The following CADPS2 variants were observed in gnomAD, a reference collection of about 807,000 sequenced individuals.
CADPS2 encodes calcium-dependent secretion activator 2.
A neutral mutation model predicts 172.5 loss-of-function variants in CADPS2; 93 were observed. The observed-to-expected ratio is 0.54, with a 90% CI of 0.46 to 0.64. The LOEUF (loss-of-function observed/expected upper bound fraction) is 0.64. Ranked by LOEUF, CADPS2 falls within the 30% of genes least tolerant of loss-of-function variation. CADPS2 has a pLI of 0.00. For synonymous variants in CADPS2, 546 were observed against 555.2 expected, an observed-to-expected ratio of 0.98 and a Z score of 0.23; for missense variants, 1,420 against 1,565.9, an observed-to-expected ratio of 0.91 and a Z score of 1.57.
chr7:122,839,181 G>C (rs1809571518), intron 1 of CADPS2, among the ~76,000 whole-genome samples: 1 of 152,146 alleles, frequency 6.6e-6, no homozygotes, highest in Admixed American at 6.5e-5. Context: ...AATGGGGAAA[G>C]GATTCCCTAT....
chr7:122,389,319 A>C (rs2044086610), intron 22 of CADPS2, among the ~76,000 whole-genome samples: 1 of 151,984 alleles, frequency 6.6e-6, no homozygotes, highest in Non-Finnish European at 1.5e-5. Flanking sequence ...GCTTATTAAA[A>C]CCCAACTTAG....
chr7:122,350,200 TC>T (rs879617290), intron 27 of CADPS2, among the ~76,000 whole-genome samples: 1 of 152,130 alleles, frequency 6.6e-6, no homozygotes, highest in Non-Finnish European at 1.5e-5. Context: ...GAAAAAAGGA[TC>T]ATGTAAGATA....
intron 2 of CADPS2, among the ~76,000 whole-genome samples, chr7:122,701,214 G>C (rs370238800): frequency 6.6e-6 from 1 of 152,086 alleles, no homozygotes; most frequent in Non-Finnish European, 1.5e-5. Flanking sequence ...AAAGGGATAC[G>C]ATTAAGAAAA....
At chr7:122,853,488 C>T (rs1338885182) in intron 1 of CADPS2, among the ~76,000 whole-genome samples, 1 of 152,174 alleles carries the variant, frequency 6.6e-6, no homozygotes, top group Non-Finnish European at 1.5e-5. Flanking sequence ...GTGGTAATGG[C>T]TACCTGCAGT....
intron 2 of CADPS2, among the ~76,000 whole-genome samples, chr7:122,699,935 A>C (rs189383071): frequency 6.6e-6 from 1 of 152,302 alleles, no homozygotes; most frequent in Non-Finnish European, 1.5e-5. Context: ...TAGCAGCAAT[A>C]AGTAGATGCT....
intron 6 of CADPS2, among the ~76,000 whole-genome samples, chr7:122,582,764 T>A (rs1218749333): frequency 2.0e-5 from 3 of 152,024 alleles, no homozygotes; most frequent in Admixed American, 6.6e-5. Flanking sequence ...AGAAGACTAA[T>A]AACCTTGGGA....
intron 25 of CADPS2, among the ~76,000 whole-genome samples, chr7:122,374,723 G>A (rs1258049422): frequency 6.6e-6 from 1 of 152,070 alleles, no homozygotes; most frequent in Non-Finnish European, 1.5e-5. Flanking sequence ...GGGCCTGTCG[G>A]GGGCTGTGGG....
At chr7:122,346,327 C>T (rs2037655243) in intron 27 of CADPS2, among the ~76,000 whole-genome samples, 1 of 152,144 alleles carries the variant, frequency 6.6e-6, no homozygotes. Flanking sequence ...GTCATCATGC[C>T]ACTGTACTCC....
chr7:122,759,973 A>G (rs1254584409), intron 1 of CADPS2, among the ~76,000 whole-genome samples: 1 of 150,790 alleles, frequency 6.6e-6, no homozygotes, highest in East Asian at 1.9e-4. Flanking sequence ...GTGGGTGTAT[A>G]TAGGTGTATT....
intron 27 of CADPS2, among the ~76,000 whole-genome samples, chr7:122,345,982 A>C (rs538004368): frequency 2.0e-5 from 3 of 149,982 alleles, no homozygotes; most frequent in Non-Finnish European, 4.4e-5. Flanking sequence ...ATAAATGAAT[A>C]AATTTTTCCA....
rs532001774 is a variant in CADPS2, at chr7:122,869,503, G to A, written c.339+16496C>T. Among the ~76,000 whole-genome samples the A allele has an allele frequency of 5.2e-4, 79 of 151,922 alleles. No homozygotes were observed. The South Asian group carries it at 0.01, about 20-fold the overall frequency. On this transcript the variant is annotated intron_variant, in intron 1 of 29. Transcript: ENST00000449022. The stretch of plus-strand genomic sequence containing the variant: ...GCAAACCTGTCCTTCAAAAATGTAG[G>A]GGAGATAAAACTTTCTCAGACACAC...
chr7:122,607,910 T>C (rs925518056), intron 6 of CADPS2, among the ~76,000 whole-genome samples: 2 of 152,098 alleles, frequency 1.3e-5, no homozygotes, highest in African/African-American at 4.8e-5. Context: ...GTGTTTTGCC[T>C]TTGGTTCATT....
At chr7:122,641,417 C>T (rs545514000) in intron 3 of CADPS2, among the ~76,000 whole-genome samples, 20 of 152,150 alleles carry the variant, frequency 1.3e-4, no homozygotes, top group African/African-American at 4.8e-4. Context: ...TGAATTGGAC[C>T]TTTGGAAGTC....
chr7:122,506,209 C>T lies in CADPS2; in HGVS notation c.1542+7040G>A, dbSNP rs146817959. ...CTGATCCGGTATTTGTTTTCATTTA[C>T]GAGCCTACTTGTGTATTTCTGAACA... On this transcript the variant is annotated intron_variant, in intron 9 of 29. Transcript: ENST00000449022. Among the ~76,000 whole-genome samples the T allele has an allele frequency of 7.5e-3, 1,142 of 152,252 alleles. 50 individuals are homozygous for T. Among genetic ancestry groups the T allele is most frequent in the Admixed American group, 0.067 (1,029 of 15,284 alleles).
At chr7:122,813,714 T>A (rs978540699) in intron 1 of CADPS2, among the ~76,000 whole-genome samples, 3 of 152,154 alleles carry the variant, frequency 2.0e-5, no homozygotes, top group African/African-American at 7.2e-5. Flanking sequence ...ATCCCAATTA[T>A]TTTTTGAGGC....
intron 3 of CADPS2, among the ~76,000 whole-genome samples, chr7:122,637,219 G>T: frequency 8.7e-6 from 1 of 114,568 alleles, no homozygotes; most frequent in African/African-American, 3.4e-5. Flanking sequence ...CCTGAGACAG[G>T]GTCTCACTCT....
At chr7:122,447,031 CTTTTTTTTTTTTT>C (rs71530096) in intron 15 of CADPS2, among the ~76,000 whole-genome samples, 6 of 78,352 alleles carry the variant, frequency 7.7e-5, no homozygotes, top group Admixed American at 3.4e-4. Context: ...GTAGCTCCCT[CTTTTTTTTTTTTT>C]TTTTTTTTTT....
chr7:122,606,617 T>C (rs1274901415), intron 6 of CADPS2, among the ~76,000 whole-genome samples: 4 of 152,142 alleles, frequency 2.6e-5, no homozygotes, highest in Admixed American at 2.0e-4. Context: ...TCTGGGCAGA[T>C]GCTGGGCCAA....
chr7:122,610,425 C>T (rs180700692), intron 6 of CADPS2, among the ~76,000 whole-genome samples: 3 of 138,314 alleles, frequency 2.2e-5, no homozygotes, highest in East Asian at 1.9e-4. Context: ...GTAGAAACTA[C>T]GATAAGCAAA....
Sources: allele counts gnomAD v4.1 joint callset (sites outside exome capture counted in the v4.1 genomes callset), GRCh38; gene constraint gnomAD v4.1.1; transcripts MANE v1.5; gene names NCBI Gene and HGNC (gene_info 2026-07-23, HGNC 2026-07-21).